The following ELP1 variants were observed in gnomAD, a reference collection of about 807,000 sequenced individuals.
ELP1 encodes elongator acetyltransferase complex subunit 1.
A neutral mutation model predicts 183.2 loss-of-function variants in ELP1; 131 were observed. The observed-to-expected ratio is 0.72, with a 90% CI of 0.62 to 0.83. The LOEUF (loss-of-function observed/expected upper bound fraction) is 0.83, where lower values mean the gene tolerates loss of function less well. ELP1 is among the 40% of genes least tolerant of loss of function. The probability of loss-of-function intolerance (pLI) is 0.00; values close to 1 mark genes in which losing one functional copy is unlikely to be tolerated. For synonymous variants in ELP1, 555 were observed against 569.0 expected (o/e 0.98, Z 0.35); for missense variants, 1,550 against 1,594.9 (o/e 0.97, Z 0.48).
At chr9:108,886,310 C>T (rs1828118347) in intron 29 of ELP1, among the ~76,000 whole-genome samples, 1 of 152,178 alleles carries the variant, frequency 6.6e-6, no homozygotes, top group South Asian at 2.1e-4. Context: ...AAGGACACCA[C>T]CCCTCATTTT....
chr9:108,900,576 C>A (rs1388577610), intron 18 of ELP1, among the ~76,000 whole-genome samples: 2 of 152,210 alleles, frequency 1.3e-5, no homozygotes, highest in Non-Finnish European at 2.9e-5. Context: ...TCTTACAGAG[C>A]CCTCATGCAC....
Position 108,897,202 on chromosome 9 carries a change from A to G in ELP1, c.2447T>C (p.Ile816Thr), listed in dbSNP as rs1828589284. Residue 816 changes from isoleucine (I) to threonine (T), a missense_variant, in exon 23 of 37, where the codon ATA becomes ACA. Transcript: ENST00000374647. ...TCTCATAGCATCGCAGACAAGGTCT[A>G]TTTTATTCCCGTCAGGATCCCTGGA... ...YLSRDPDGNK[I>T]DLVCDAMRAV... 6.2e-7 allele frequency: 1 copy of G among 1,614,138 alleles called. No homozygotes were observed. The highest frequency in any genetic ancestry group is 1.3e-5 in the African/African-American group (1 of 75,042).
chr9:108,882,800 C>G (rs868374049), intron 29 of ELP1, among the ~76,000 whole-genome samples: 14 of 152,020 alleles, frequency 9.2e-5, no homozygotes, highest in African/African-American at 3.1e-4. Context: ...ACTATGTTGT[C>G]CAGGTTGGTC....
chr9:108,897,097 ACTACACAC>A, intron 23 of ELP1, 43 bp downstream of exon 23: 1 of 1,614,002 alleles, frequency 6.2e-7, no homozygotes, highest in Non-Finnish European at 8.5e-7. Context: ...GACAAGGACA[ACTACACAC>A]TTCGGTTTTT....
intron 15 of ELP1, 45 bp downstream of exon 15, chr9:108,903,518 A>G (rs757863910): frequency 8.1e-7 from 1 of 1,240,316 alleles, no homozygotes; most frequent in Non-Finnish European, 1.2e-6. Context: ...AGAACTAAGC[A>G]TCTATGTAAG....
At chr9:108,910,222 C>G (rs1287056802) in intron 12 of ELP1, among the ~76,000 whole-genome samples, 1 of 152,074 alleles carries the variant, frequency 6.6e-6, no homozygotes, top group Non-Finnish European at 1.5e-5. Context: ...CACACTGAAA[C>G]TATAATCAGA....
At chr9:108,914,188 T>C (rs1403688656) in intron 10 of ELP1, among the ~76,000 whole-genome samples, 1 of 151,114 alleles carries the variant, frequency 6.6e-6, no homozygotes, top group African/African-American at 2.4e-5. Context: ...GATCACGAGA[T>C]GGAGATCGAG....
chr9:108,901,677 C>T lies in ELP1; in HGVS notation c.1859G>A (p.Cys620Tyr). 1.2e-6 allele frequency: 2 copies of T among 1,614,068 alleles called. No individual in the cohort carries two copies. The highest frequency in any genetic ancestry group is 1.7e-6 in the Non-Finnish European group (2 of 1,179,906). The change falls in exon 17 of 37, where the codon TGT (cysteine) becomes TAT (tyrosine). Residue 620 changes from cysteine (C) to tyrosine (Y), a missense_variant. Physicochemically the swap from Cys to Tyr is radical, Grantham distance 194 (BLOSUM62 -2). Transcript: ENST00000374647. ...ACACCTGTCAGTCAGACCAAGGACA[C>T]ATTCCTGCAAAGAAATAAAACTGAA... ...TELAMIGEEE[C>Y]VLGLTDRCRF...
chr9:108,905,898 CAT>C (rs34842282), intron 14 of ELP1, among the ~76,000 whole-genome samples: 41 of 120,638 alleles, frequency 3.4e-4, no homozygotes, highest in East Asian at 1.7e-3. Context: ...CACACACACA[CAT>C]ATATGCGCAT....
rs952497469 is a variant in ELP1, at chr9:108,915,951, T to C, written c.958+253A>G. Among the ~76,000 whole-genome samples, 3 of 152,160 alleles carry C rather than the reference T, an allele frequency of 2.0e-5. No individual in the cohort carries two copies. In the South Asian group the frequency reaches 6.2e-4, roughly 32 times the overall value. ...GGATTTTGGCGTCCATGGGCAATCC[T>C]AGAACTAATCCCCCGAGAATACTGA... On this transcript the variant is annotated intron_variant, in intron 10 of 36. Transcript: ENST00000374647.
intron 10 of ELP1, among the ~76,000 whole-genome samples, chr9:108,913,592 T>C (rs73512473): frequency 0.028 from 4,234 of 152,270 alleles, 190 homozygotes; most frequent in African/African-American, 0.098. Context: ...CATGCTGATG[T>C]TCTGTGAGCA....
intron 30 of ELP1, 30 bp downstream of exon 30, chr9:108,882,095 C>A (rs1437285346): frequency 1.3e-6 from 2 of 1,596,610 alleles, no homozygotes; most frequent in Admixed American, 1.7e-5. Context: ...GCTTAGCACC[C>A]AACATCCAGA....
At chr9:108,916,865 C>A (rs1829454132) in intron 9 of ELP1, among the ~76,000 whole-genome samples, 1 of 152,102 alleles carries the variant, frequency 6.6e-6, no homozygotes, top group South Asian at 2.1e-4. Context: ...AAATTTTACA[C>A]AGAGATACCA....
chr9:108,918,354 C>T (rs1339874008), intron 8 of ELP1, among the ~76,000 whole-genome samples: 3 of 152,154 alleles, frequency 2.0e-5, no homozygotes, highest in African/African-American at 7.2e-5. Flanking sequence ...CTGAATCCAG[C>T]CTGCATGCTC....
At position 108,916,322 on chromosome 9, in the gene ELP1, T is replaced by C. The variant is rs146585592; in HGVS notation, c.865-25A>G. On this transcript the variant is annotated intron_variant, in intron 9 of 36. Transcript: ENST00000374647. Reference sequence around the variant, plus strand: ...CCTAGAAGGGAAAAAAGATCTGTCATTGGCTTTCAGTTATGGATTTACTTC... The same window carrying C: ...CCTAGAAGGGAAAAAAGATCTGTCACTGGCTTTCAGTTATGGATTTACTTC... 1.4e-3 allele frequency: 2,115 copies of C among 1,564,226 alleles called. 37 individuals are homozygous for C. The highest frequency in any genetic ancestry group is 4.4e-3 in the Middle Eastern group (26 of 5,974).
At chr9:108,889,585 C>G in intron 28 of ELP1, 192 bp from the exon 29 acceptor site, 1 of 636,326 alleles carries the variant, frequency 1.6e-6, no homozygotes, top group Non-Finnish European at 2.8e-6. Context: ...AATTGAAAAT[C>G]ATATACAGCC....
intron 5 of ELP1, among the ~76,000 whole-genome samples, chr9:108,925,924 T>C (rs1361533560): frequency 6.6e-6 from 1 of 152,152 alleles, no homozygotes; most frequent in Non-Finnish European, 1.5e-5. Flanking sequence ...TTTCTCAGAG[T>C]TGATGGAGCA....
intron 10 of ELP1, among the ~76,000 whole-genome samples, chr9:108,915,312 T>G (rs1564099204): frequency 6.6e-6 from 1 of 152,186 alleles, no homozygotes; most frequent in Admixed American, 6.5e-5. Context: ...ACTCCAGATG[T>G]TGCTGTGAAG....
In ELP1 at chr9:108,879,468, G is replaced by A; in HGVS notation, c.3550C>T (p.His1184Tyr). Reference protein sequence around the residue: ...SGSEMSGKYSHSNSRISARSS... With the variant: ...SGSEMSGKYSYSNSRISARSS... ...TACGCTGATATCCTGGAGTTACTAT[G>A]GGAGTATTTGCCACTCATCTCACTG... Residue 1184 changes from histidine to tyrosine, a missense_variant, in exon 33 of 37, where the codon CAT (histidine) becomes TAT (tyrosine). His to Tyr is a moderately conservative substitution (Grantham distance 83). Coordinates refer to ENST00000374647, the MANE Select transcript of ELP1 (RefSeq NM_003640.5). 6.2e-7 allele frequency: 1 copy of A among 1,612,796 alleles called. No homozygotes were observed. The highest frequency in any genetic ancestry group is 8.5e-7 in the Non-Finnish European group (1 of 1,178,798).
Sources: gnomAD v4.1 joint callset for allele counts (sites outside exome capture counted in the v4.1 genomes callset) on GRCh38, gnomAD v4.1.1 for gene constraint, MANE v1.5 for transcripts, NCBI Gene and HGNC (gene_info 2026-07-23, HGNC 2026-07-21) for gene names.